DCAF5: variants seen among roughly 807,000 people sequenced by gnomAD.
DCAF5 encodes DDB1 and CUL4 associated factor 5.
DCAF5 carries 9 observed loss-of-function variants against 80.7 expected under a neutral mutation model. The observed-to-expected ratio is 0.11, with a 90% confidence interval of 0.07 to 0.19. DCAF5 has a LOEUF of 0.19. Among genes scored for constraint, DCAF5 ranks in the 10% least tolerant of loss-of-function variants. DCAF5 has a pLI of 1.00. For missense variants in DCAF5, 842 were observed against 1,205.7 expected, an observed-to-expected ratio of 0.70 and a Z score of 4.47; for synonymous variants, 433 against 461.9, an observed-to-expected ratio of 0.94 and a Z score of 0.80.
intron 8 of DCAF5, among the ~76,000 whole-genome samples, chr14:69,061,492 T>C (rs756609211): frequency 6.6e-6 from 1 of 152,202 alleles, no homozygotes; most frequent in Non-Finnish European, 1.5e-5. Flanking sequence ...GGACCCACTT[T>C]TGCAGTTATA....
chr14:69,131,343 T>C (rs1011193893), intron 1 of DCAF5, among the ~76,000 whole-genome samples: 4 of 152,168 alleles, frequency 2.6e-5, no homozygotes, highest in African/African-American at 9.7e-5. Context: ...TCAGTGAGTG[T>C]ACTGTGTAAG....
At chr14:69,076,455 C>T (rs2038902330) in intron 6 of DCAF5, among the ~76,000 whole-genome samples, 1 of 152,120 alleles carries the variant, frequency 6.6e-6, no homozygotes, top group African/African-American at 2.4e-5. Flanking sequence ...ATTATTCAGC[C>T]TTTAAAAGGA....
rs77240284 is a variant in DCAF5, at chr14:69,105,943, A to C, written c.665+10423T>G. 2.7e-3 allele frequency among the ~76,000 whole-genome samples: 203 copies of C among 74,184 alleles called. 7 individuals are homozygous for C. The highest frequency in any genetic ancestry group is 6.2e-3 in the African/African-American group (163 of 26,408). The allele number at this position is 74,184 out of a possible 152,430, so 48.7% of individuals were successfully genotyped here. A position where few individuals can be genotyped will look rare whatever the true frequency, so the allele number is the denominator to read the frequency against. On this transcript the variant is annotated intron_variant, in intron 5 of 8. Coordinates refer to ENST00000341516, the MANE Select transcript of DCAF5 (RefSeq NM_003861.3). ...TATATATATATATATATATATATAT[A>C]TATCTCCTATTGGTTCTGTTCCTCT...
At chr14:69,106,500 C>T (rs1405307948) in intron 5 of DCAF5, among the ~76,000 whole-genome samples, 1 of 152,126 alleles carries the variant, frequency 6.6e-6, no homozygotes, top group Non-Finnish European at 1.5e-5. Context: ...TCTCCAGTAT[C>T]TAGGACTGCA....
At chr14:69,133,806 C>T (rs776302555) in intron 1 of DCAF5, among the ~76,000 whole-genome samples, 3 of 152,096 alleles carry the variant, frequency 2.0e-5, no homozygotes, top group Non-Finnish European at 4.4e-5. Flanking sequence ...TCCTGGCTTG[C>T]CTTAGCTCCT....
intron 6 of DCAF5, among the ~76,000 whole-genome samples, chr14:69,086,500 A>G (rs1180230635): frequency 6.6e-6 from 1 of 152,154 alleles, no homozygotes; most frequent in Non-Finnish European, 1.5e-5. Context: ...ACAACAAATC[A>G]AAGGCTGGAA....
At chr14:69,149,386 T>C (rs555932388) in intron 1 of DCAF5, 3 of 152,352 alleles carry the variant, frequency 2.0e-5, no homozygotes, top group East Asian at 3.9e-4. Flanking sequence ...CAAATAACCA[T>C]TTCTCCACTT....
chr14:69,106,669 G>C (rs1025707534), intron 5 of DCAF5, among the ~76,000 whole-genome samples: 2 of 152,110 alleles, frequency 1.3e-5, no homozygotes, highest in Non-Finnish European at 2.9e-5. Context: ...ACTGCACCCA[G>C]CCTACTTTTA....
chr14:69,063,493 A>C (rs2038310166), intron 7 of DCAF5, among the ~76,000 whole-genome samples: 2 of 152,142 alleles, frequency 1.3e-5, no homozygotes, highest in Admixed American at 6.5e-5. Flanking sequence ...CAAACAAATG[A>C]GTGTTCATTT....
intron 7 of DCAF5, among the ~76,000 whole-genome samples, chr14:69,067,774 C>T (rs1042649830): frequency 4.0e-5 from 6 of 151,680 alleles, no homozygotes; most frequent in African/African-American, 1.5e-4. Context: ...GTAGCTGGGA[C>T]TACTGGCACG....
intron 7 of DCAF5, among the ~76,000 whole-genome samples, chr14:69,067,611 C>A (rs558561939): frequency 6.6e-6 from 1 of 151,952 alleles, no homozygotes; most frequent in African/African-American, 2.4e-5. Context: ...CCCGGAAGTG[C>A]TGGGATTACA....
At chr14:69,069,714 A>T (rs1003132975) in intron 7 of DCAF5, among the ~76,000 whole-genome samples, 2 of 151,940 alleles carry the variant, frequency 1.3e-5, no homozygotes, top group Non-Finnish European at 2.9e-5. Context: ...GGTTCAACTG[A>T]TCTTCCCGCC....
intron 1 of DCAF5, among the ~76,000 whole-genome samples, chr14:69,136,113 CTTTTTTT>C (rs35359938): frequency 1.6e-5 from 2 of 125,298 alleles, no homozygotes; most frequent in South Asian, 2.5e-4. Flanking sequence ...ATGTGTAAAA[CTTTTTTT>C]TTTTTTTTTT....
chr14:69,117,507 G>A lies in DCAF5; in HGVS notation c.535+632C>T, dbSNP rs192350235. On this transcript the variant is annotated intron_variant, in intron 4 of 8. Transcript: ENST00000341516. ...TAAAGGCCACGGTGGGTATGGCAGT[G>A]GCACTAAGGCTGGTACTAGAGGAAG... is the stretch of plus-strand genomic sequence containing the variant. Among the ~76,000 whole-genome samples, 13 of 152,254 alleles carry A rather than the reference G, an allele frequency of 8.5e-5. No homozygotes were observed. The South Asian group carries it at 1.7e-3, about 19-fold the overall frequency.
intron 7 of DCAF5, among the ~76,000 whole-genome samples, chr14:69,064,532 C>T (rs1002987382): frequency 6.6e-6 from 1 of 152,194 alleles, no homozygotes; most frequent in Non-Finnish European, 1.5e-5. Context: ...ATATGCTTTC[C>T]ACCATATCAG....
rs182995048 is a variant in DCAF5, at chr14:69,122,425, G to C, written c.215-65C>G. ...CATCGCAAGGCTGACAGATGGTTTTGCCAGCCTTGAATCCCATCCTTTCCA... is the reference window on the plus strand; with the variant it reads ...CATCGCAAGGCTGACAGATGGTTTTCCCAGCCTTGAATCCCATCCTTTCCA... On this transcript the variant is annotated intron_variant, in intron 1 of 8. Transcript: ENST00000341516. The C allele has an allele frequency of 2.7e-4, 421 of 1,555,054 alleles. 1 individual carries two copies. Among genetic ancestry groups the C allele is most frequent in the Middle Eastern group, 2.4e-3 (11 of 4,524 alleles).
intron 1 of DCAF5, among the ~76,000 whole-genome samples, chr14:69,136,312 T>C (rs931082788): frequency 1.3e-5 from 2 of 151,900 alleles, no homozygotes; most frequent in Non-Finnish European, 2.9e-5. Flanking sequence ...GACAGGGTCT[T>C]GCTATGTTGC....
At chr14:69,126,683 A>G (rs1193534309) in intron 1 of DCAF5, among the ~76,000 whole-genome samples, 2 of 152,232 alleles carry the variant, frequency 1.3e-5, no homozygotes, top group Non-Finnish European at 2.9e-5. Flanking sequence ...TAATCAAGAC[A>G]GTATAATACT....
chr14:69,092,338 C>T (rs2039562238), intron 5 of DCAF5, among the ~76,000 whole-genome samples: 1 of 152,052 alleles, frequency 6.6e-6, no homozygotes, highest in African/African-American at 2.4e-5. Flanking sequence ...AACAATAGGC[C>T]GGGTGCAGTG....
Sources: allele counts gnomAD v4.1 joint callset (sites outside exome capture counted in the v4.1 genomes callset), GRCh38; gene constraint gnomAD v4.1.1; transcripts MANE v1.5; gene names NCBI Gene and HGNC (gene_info 2026-07-23, HGNC 2026-07-21).